PROCR: variants seen among roughly 807,000 people sequenced by gnomAD.
The protein encoded by PROCR is protein C receptor, also known as endothelial protein C receptor.
In PROCR, 22 loss-of-function variants were observed where a neutral mutation model predicts 24.2. The observed-to-expected ratio is 0.91, with a 90% CI of 0.65 to 1.30. The LOEUF is 1.30. Among genes scored for constraint, PROCR ranks in the 50% most tolerant of loss-of-function variants. The probability of loss-of-function intolerance (pLI) is 0.00; values close to 1 mark genes in which losing one functional copy is unlikely to be tolerated. For synonymous variants in PROCR, 137 were observed against 139.2 expected, an observed-to-expected ratio of 0.98 and a Z score of 0.11; for missense variants, 288 against 307.7, an observed-to-expected ratio of 0.94 and a Z score of 0.48.
At chr20:35,213,330 CAA>C (rs546607344) in intron 1 of PROCR, among the ~76,000 whole-genome samples, 7 of 136,140 alleles carry the variant, frequency 5.1e-5, no homozygotes, top group South Asian at 2.3e-4. Flanking sequence ...GAGACTGTCT[CAA>C]AAAAAAAAAA....
chr20:35,203,478 G>A (rs2093058), intron 1 of PROCR, among the ~76,000 whole-genome samples: 58,155 of 151,308 alleles, frequency 0.38, 12,390 homozygotes, highest in East Asian at 0.63. Context: ...ACTCTTGGGC[G>A]TGATAGTGCG....
intron 1 of PROCR, among the ~76,000 whole-genome samples, chr20:35,191,926 A>G (rs2086176988): frequency 6.6e-6 from 1 of 152,228 alleles, no homozygotes; most frequent in Admixed American, 6.5e-5. Flanking sequence ...TAAAAGGCAA[A>G]GAAATACTCA....
At position 35,172,073 on chromosome 20, in the gene PROCR, C is replaced by A; in HGVS notation, c.-82C>A. On this transcript the variant is annotated 5_prime_UTR_variant, in exon 1 of 4. Transcript: ENST00000216968. ...CTCCGCCCCTCCCAGACGGTCCTCA[C>A]TTCTCTTTTCCCTAGACTGCAGCCA... is the stretch of plus-strand genomic sequence containing the variant. The A allele has an allele frequency of 7.2e-7, 1 of 1,380,396 alleles. No individual in the cohort carries two copies. Among genetic ancestry groups the A allele is most frequent in the Non-Finnish European group, 1.0e-6 (1 of 968,268 alleles). The allele number at this position is 1,380,396 out of a possible 1,614,324, so 85.5% of individuals were successfully genotyped here. A position where few individuals can be genotyped will look rare whatever the true frequency, so the allele number is the denominator to read the frequency against.
chr20:35,178,000 G>A (rs758613241), downstream of PROCR, among the ~76,000 whole-genome samples: 1 of 151,918 alleles, frequency 6.6e-6, no homozygotes, highest in African/African-American at 2.4e-5. Context: ...GGTTCCTTTT[G>A]TTCCTGTTTG....
intron 1 of PROCR, among the ~76,000 whole-genome samples, chr20:35,205,290 T>TAAA (rs1183007921): frequency 6.9e-6 from 1 of 145,940 alleles, no homozygotes; most frequent in African/African-American, 2.5e-5. Flanking sequence ...ATAATAATAA[T>TAAA]AAATAAATGA....
At chr20:35,184,114 G>C (rs1600740038) in intron 1 of PROCR, among the ~76,000 whole-genome samples, 3 of 152,084 alleles carry the variant, frequency 2.0e-5, no homozygotes, top group Admixed American at 2.0e-4. Flanking sequence ...TAAGCAAAAA[G>C]AACAAATCTG....
At chr20:35,212,196 G>A (rs1001317990) in intron 1 of PROCR, among the ~76,000 whole-genome samples, 8 of 152,232 alleles carry the variant, frequency 5.3e-5, no homozygotes, top group East Asian at 1.9e-4. Context: ...ATTGGCAGGC[G>A]TGTAGTACAT....
rs145222911 is a variant in PROCR, at chr20:35,174,917, C to A, written c.286C>A (p.Leu96Ile). 2 of 1,595,502 alleles carry A rather than the reference C, an allele frequency of 1.3e-6. No individual in the cohort carries two copies. The highest frequency in any genetic ancestry group is 2.2e-5 in the South Asian group (2 of 89,640). Residue 96 changes from leucine (L) to isoleucine (I), a missense_variant, in exon 2 of 4, where the codon CTC becomes ATC. Coordinates refer to ENST00000216968, the MANE Select transcript of PROCR (RefSeq NM_006404.5). Reference sequence around the variant, plus strand: ...GTCCTACCTGCTCCAGTTCCACGGCCTCGTGCGCCTGGTGCACCAGGAGCG... The same window carrying A: ...GTCCTACCTGCTCCAGTTCCACGGCATCGTGCGCCTGGTGCACCAGGAGCG... ...LQSYLLQFHG[L>I]VRLVHQERTL...
Position 35,176,969 on chromosome 20 carries a change from G to A in PROCR, c.*156G>A. The A allele has an allele frequency of 6.0e-6, 9 of 1,499,230 alleles. No homozygotes were observed. In the Admixed American group the frequency reaches 1.7e-4, roughly 28 times the overall value. 92.9% of individuals were successfully genotyped at this position (1,499,230 alleles called of 1,614,324 possible). A position where few individuals can be genotyped will look rare whatever the true frequency, so the allele number is the denominator to read the frequency against. The stretch of plus-strand genomic sequence containing the variant: ...ACATCTGCCCACTGAAGATTTGAGG[G>A]AGGGGAGATGGAGAGGAGAGGTGGA... On this transcript the variant is annotated 3_prime_UTR_variant, in exon 4 of 4. Transcript: ENST00000216968.
chr20:35,205,627 T>C (rs1179816155), intron 1 of PROCR, among the ~76,000 whole-genome samples: 1 of 146,746 alleles, frequency 6.8e-6, no homozygotes, highest in African/African-American at 2.5e-5. Flanking sequence ...GGTGCATGCT[T>C]GTAATCCCAG....
chr20:35,186,788 A>G (rs1464572805), intron 1 of PROCR, among the ~76,000 whole-genome samples: 1 of 151,506 alleles, frequency 6.6e-6, no homozygotes, highest in South Asian at 2.1e-4. Context: ...CTCTACTAAA[A>G]AAAAAAGTAC....
At chr20:35,178,941 C>A (rs1168853808), downstream of PROCR, among the ~76,000 whole-genome samples, 2 of 150,960 alleles carry the variant, frequency 1.3e-5, no homozygotes, top group Non-Finnish European at 2.9e-5. Context: ...AAATAATATG[C>A]CAAGCGCAAG....
chr20:35,196,051 A>G (rs534140631), intron 1 of PROCR, among the ~76,000 whole-genome samples: 50 of 149,504 alleles, frequency 3.3e-4, no homozygotes, highest in African/African-American at 1.2e-3. Flanking sequence ...GTGTGGTAGC[A>G]TGCACCTGTA....
At chr20:35,183,476 C>T (rs1185097513) in intron 1 of PROCR, among the ~76,000 whole-genome samples, 2 of 152,134 alleles carry the variant, frequency 1.3e-5, no homozygotes, top group Non-Finnish European at 2.9e-5. Flanking sequence ...TGAGGCCTCA[C>T]CAGAAGAAGA....
At chr20:35,200,314 T>C (rs2060313930) in intron 1 of PROCR, among the ~76,000 whole-genome samples, 2 of 152,184 alleles carry the variant, frequency 1.3e-5, no homozygotes, top group Admixed American at 1.3e-4. Flanking sequence ...CAGAGAAATA[T>C]TTTGTGGAAG....
chr20:35,179,354 C>T (rs1391043327), downstream of PROCR, among the ~76,000 whole-genome samples: 1 of 150,762 alleles, frequency 6.6e-6, no homozygotes, highest in East Asian at 1.9e-4. Flanking sequence ...CCAGCCTAGA[C>T]AACATAGTGA....
intron 1 of PROCR, among the ~76,000 whole-genome samples, chr20:35,211,366 G>T (rs915720305): frequency 9.2e-5 from 14 of 152,144 alleles, no homozygotes; most frequent in Admixed American, 9.2e-4. Flanking sequence ...GCTTGCGGGA[G>T]CCTCCAAAAT....
intron 1 of PROCR, among the ~76,000 whole-genome samples, chr20:35,210,816 G>A (rs980079768): frequency 2.0e-5 from 3 of 151,048 alleles, no homozygotes; most frequent in Admixed American, 6.6e-5. Context: ...GGGTTCAAGC[G>A]ATTCTCCTGC....
At chr20:35,184,838 C>T (rs955406197) in intron 1 of PROCR, among the ~76,000 whole-genome samples, 8 of 151,934 alleles carry the variant, frequency 5.3e-5, no homozygotes, top group African/African-American at 1.9e-4. Context: ...ACAAAAAAAC[C>T]AAAAGCAGTT....
Sources: allele counts gnomAD v4.1 joint callset (sites outside exome capture counted in the v4.1 genomes callset), GRCh38; gene constraint gnomAD v4.1.1; transcripts MANE v1.5; gene names NCBI Gene and HGNC (gene_info 2026-07-23, HGNC 2026-07-21).